The following SHISA6 variants were observed in gnomAD, a reference collection of about 807,000 sequenced individuals.
SHISA6 encodes the protein shisa family member 6, also known as protein shisa-6.
Under a neutral mutation model 47.9 loss-of-function variants are expected in SHISA6, and 22 were observed. That is an observed-to-expected ratio of 0.46 (90% confidence interval 0.33 to 0.66). SHISA6 has a LOEUF of 0.66. Ranked by LOEUF, SHISA6 falls within the 30% of genes least tolerant of loss-of-function variation. The probability of loss-of-function intolerance (pLI) is 0.02; values close to 1 mark genes in which losing one functional copy is unlikely to be tolerated. For missense variants in SHISA6, 680 were observed against 764.6 expected, an observed-to-expected ratio of 0.89 and a Z score of 1.30; for synonymous variants, 388 against 337.8, an observed-to-expected ratio of 1.15 and a Z score of -1.63.
At chr17:11,518,416 T>C (rs1005215546) in intron 3 of SHISA6, among the ~76,000 whole-genome samples, 1 of 152,106 alleles carries the variant, frequency 6.6e-6, no homozygotes, top group Non-Finnish European at 1.5e-5. Context: ...GACAGAGATT[T>C]GCTGAACTTT....
chr17:11,517,473 A>T (rs941700409), intron 3 of SHISA6, among the ~76,000 whole-genome samples: 32 of 152,200 alleles, frequency 2.1e-4, no homozygotes, highest in African/African-American at 7.2e-4. Flanking sequence ...ATTCAGATTA[A>T]TTTTTTTCTT....
intron 3 of SHISA6, among the ~76,000 whole-genome samples, chr17:11,503,754 T>C (rs1489602346): frequency 6.6e-6 from 1 of 152,256 alleles, no homozygotes; most frequent in Non-Finnish European, 1.5e-5. Flanking sequence ...TCAATTGACA[T>C]CTGCTGTCTG....
At chr17:11,346,235 A>T (rs936017841) in intron 2 of SHISA6, among the ~76,000 whole-genome samples, 2 of 152,182 alleles carry the variant, frequency 1.3e-5, no homozygotes, top group African/African-American at 4.8e-5. Flanking sequence ...TCAAGAAAAG[A>T]CAAAACTTAA....
chr17:11,411,833 G>T (rs948670088), intron 3 of SHISA6, among the ~76,000 whole-genome samples: 1 of 152,168 alleles, frequency 6.6e-6, no homozygotes, highest in Non-Finnish European at 1.5e-5. Flanking sequence ...ATTTTCGTCT[G>T]GGTAGCTGGA....
At chr17:11,370,686 G>T (rs1415848754) in intron 2 of SHISA6, among the ~76,000 whole-genome samples, 1 of 152,186 alleles carries the variant, frequency 6.6e-6, no homozygotes, top group African/African-American at 2.4e-5. Context: ...ATGACAGGAT[G>T]AAAGCACCAT....
At chr17:11,553,433 C>A (rs989545847) in intron 4 of SHISA6, among the ~76,000 whole-genome samples, 4 of 152,216 alleles carry the variant, frequency 2.6e-5, no homozygotes, top group Admixed American at 1.3e-4. Context: ...CTCCTGAATA[C>A]AACAGGAGGA....
At chr17:11,376,375 T>C (rs919169607) in intron 2 of SHISA6, among the ~76,000 whole-genome samples, 1 of 150,414 alleles carries the variant, frequency 6.6e-6, no homozygotes, top group Non-Finnish European at 1.5e-5. Flanking sequence ...TGGAGTACAG[T>C]GGCGCGATCT....
chr17:11,477,197 T>C (rs899867008), intron 3 of SHISA6, among the ~76,000 whole-genome samples: 2 of 152,196 alleles, frequency 1.3e-5, no homozygotes, highest in African/African-American at 4.8e-5. Context: ...ATTAGGTTTG[T>C]CTTTTGATTC....
intron 3 of SHISA6, among the ~76,000 whole-genome samples, chr17:11,407,493 G>GTT (rs35828366): frequency 2.1e-4 from 32 of 150,386 alleles, no homozygotes; most frequent in Middle Eastern, 6.8e-3. Flanking sequence ...TTAGCATATT[G>GTT]TTTTTTTTTT....
chr17:11,278,976 A>G (rs1909028397), intron 2 of SHISA6, among the ~76,000 whole-genome samples: 1 of 152,162 alleles, frequency 6.6e-6, no homozygotes, highest in African/African-American at 2.4e-5. Flanking sequence ...CTTCGGGGCC[A>G]TTTAAGAGTG....
At chr17:11,388,034 G>A (rs1255747371) in intron 3 of SHISA6, among the ~76,000 whole-genome samples, 1 of 152,108 alleles carries the variant, frequency 6.6e-6, no homozygotes, top group Non-Finnish European at 1.5e-5. Context: ...GTGGGCCTCT[G>A]TAAAGTCACA....
chr17:11,325,282 T>TC (rs1239529751), intron 2 of SHISA6, among the ~76,000 whole-genome samples: 1 of 152,204 alleles, frequency 6.6e-6, no homozygotes, highest in Non-Finnish European at 1.5e-5. Flanking sequence ...TGGCACGAGC[T>TC]CTAGAAACAG....
intron 2 of SHISA6, among the ~76,000 whole-genome samples, chr17:11,276,620 ATCC>A (rs751931020): frequency 2.8e-4 from 42 of 151,704 alleles, no homozygotes; most frequent in African/African-American, 6.1e-4. Context: ...CACCATCATC[ATCC>A]TCACCATCAC....
intron 3 of SHISA6, among the ~76,000 whole-genome samples, chr17:11,428,359 T>G: frequency 6.6e-6 from 1 of 152,186 alleles, no homozygotes; most frequent in Non-Finnish European, 1.5e-5. Flanking sequence ...TGAGCAAATT[T>G]GCAGTCAAAG....
At chr17:11,409,038 A>G (rs1429077726) in intron 3 of SHISA6, among the ~76,000 whole-genome samples, 2 of 152,210 alleles carry the variant, frequency 1.3e-5, no homozygotes, top group Non-Finnish European at 2.9e-5. Flanking sequence ...AAAGATCAAA[A>G]CGTTAAAAAA....
intron 3 of SHISA6, among the ~76,000 whole-genome samples, chr17:11,424,468 T>C (rs1398850950): frequency 6.6e-6 from 1 of 151,884 alleles, no homozygotes; most frequent in African/African-American, 2.4e-5. Flanking sequence ...TCCATCAACA[T>C]AAATAAATCT....
chr17:11,252,879 T>C (rs8072737), intron 1 of SHISA6, among the ~76,000 whole-genome samples: 12,257 of 152,200 alleles, frequency 0.081, 517 homozygotes, highest in East Asian at 0.18. Flanking sequence ...TTTCTGACTT[T>C]TTGCTGCATC....
At chr17:11,477,569 C>G (rs1433977095) in intron 3 of SHISA6, among the ~76,000 whole-genome samples, 1 of 116,150 alleles carries the variant, frequency 8.6e-6, no homozygotes. Context: ...TCCCTCCCCC[C>G]TCCCCCCACC....
chr17:11,480,541 G>C (rs1916183564), intron 3 of SHISA6, among the ~76,000 whole-genome samples: 1 of 152,064 alleles, frequency 6.6e-6, no homozygotes, highest in African/African-American at 2.4e-5. Context: ...TTTCTGGTAG[G>C]TTCTCCCCTG....
Sources: allele counts gnomAD v4.1 joint callset (sites outside exome capture counted in the v4.1 genomes callset), GRCh38; gene constraint gnomAD v4.1.1; transcripts MANE v1.5; gene names NCBI Gene and HGNC (gene_info 2026-07-23, HGNC 2026-07-21).